The following SMIM9 variants were observed in gnomAD, a reference collection of about 807,000 sequenced individuals.
SMIM9 encodes chromosome X open reading frame 68.
Under a neutral mutation model 7.2 loss-of-function variants are expected in SMIM9, and 8 were observed. That is an observed-to-expected ratio of 1.10 (90% CI 0.65 to 1.99). SMIM9 has a LOEUF of 1.99. SMIM9 is among the 30% of genes most tolerant of loss of function. The pLI, the probability that SMIM9 is intolerant of heterozygous loss-of-function variation, is 0.00. For synonymous variants in SMIM9, 19 were observed against 26.4 expected, an observed-to-expected ratio of 0.72 and a Z score of 0.86; for missense variants, 76 against 69.3, an observed-to-expected ratio of 1.10 and a Z score of -0.34.
At chrX:154,825,771 G>C (rs1369064540) in intron 4 of SMIM9, among the ~76,000 whole-genome samples, 66 of 109,832 alleles carry the variant, frequency 6.0e-4, no homozygotes, top group African/African-American at 2.1e-3. Context: ...TCCTTTGTAG[G>C]GACATGGATG....
chrX:154,834,203 C>G (rs1180389264), intron 1 of SMIM9, among the ~76,000 whole-genome samples: 3 of 112,520 alleles, frequency 2.7e-5, no homozygotes, highest in East Asian at 2.8e-4. Flanking sequence ...AAGAGAAGAG[C>G]CCATGAAATG....
chrX:154,830,737 T>C lies in SMIM9; in HGVS notation c.120A>G (p.Thr40=). The change falls in exon 3 of 5, where the codon ACA becomes ACG. Residue 40 remains threonine (T), a synonymous_variant. Coordinates refer to ENST00000369529, the MANE Select transcript of SMIM9 (RefSeq NM_001162936.4). ...PLSALGIQEK[T]GSKPRSGGNH... is the part of the protein sequence containing the mutation. ...CACCCCCTGAGCGTGGTTTCGATCC[T>C]GTTTTTTCTTGTATTCCCAAGGCAG... 2.6e-6 allele frequency: 3 copies of C among 1,167,741 alleles called. No homozygotes were observed. Among genetic ancestry groups the C allele is most frequent in the Non-Finnish European group, 3.4e-6 (3 of 872,897 alleles).
chrX:154,834,022 CA>C (rs1698739224), intron 1 of SMIM9, among the ~76,000 whole-genome samples: 1 of 111,873 alleles, frequency 8.9e-6, no homozygotes, highest in Admixed American at 9.5e-5. Context: ...TGAACATTCC[CA>C]GGCGCTGATA....
rs1479261574 is a variant in SMIM9, at chrX:154,829,064, A to G, written c.272+471T>C. Reference sequence around the variant, plus strand: ...GCAACAAGCACAGAGACAAGCAAGTAGTCATTTGTTGGTAAATACTGACTG... The same window carrying G: ...GCAACAAGCACAGAGACAAGCAAGTGGTCATTTGTTGGTAAATACTGACTG... On this transcript the variant is annotated intron_variant, in intron 4 of 4. Transcript: ENST00000369529. 2.7e-5 allele frequency among the ~76,000 whole-genome samples: 3 copies of G among 112,427 alleles called. No individual in the cohort carries two copies. In the Admixed American group the frequency reaches 2.8e-4, roughly 11 times the overall value.
intron 4 of SMIM9, among the ~76,000 whole-genome samples, chrX:154,828,077 A>C (rs1569559152): frequency 9.0e-6 from 1 of 111,708 alleles, no homozygotes. Context: ...TTCCACAGGC[A>C]TTGATCATTA....
chrX:154,827,143 C>G (rs1386203666), intron 4 of SMIM9, among the ~76,000 whole-genome samples: 2 of 112,503 alleles, frequency 1.8e-5, no homozygotes, highest in Non-Finnish European at 3.7e-5. Context: ...ATATTGCCTG[C>G]TTTATCTTCA....
intron 3 of SMIM9, among the ~76,000 whole-genome samples, chrX:154,829,921 A>G (rs2072437492): frequency 8.9e-6 from 1 of 112,310 alleles, no homozygotes; most frequent in Non-Finnish European, 1.9e-5. Context: ...GTTGTTTCGG[A>G]TATCTTGAGT....
chrX:154,831,033 G>T, intron 2 of SMIM9, 78 bp from the exon 3 acceptor site: 1 of 460,234 alleles, frequency 2.2e-6, no homozygotes, highest in Non-Finnish European at 3.5e-6. Flanking sequence ...ACAATTGACT[G>T]ACTTACACAG....
intron 4 of SMIM9, among the ~76,000 whole-genome samples, chrX:154,824,230 G>A (rs1309113944): frequency 1.1e-4 from 12 of 108,490 alleles, no homozygotes; most frequent in Non-Finnish European, 2.3e-4. Context: ...GGTGGCGGGC[G>A]CCTGTAGTCC....
intron 4 of SMIM9, among the ~76,000 whole-genome samples, chrX:154,826,037 T>C (rs1476491017): frequency 1.8e-5 from 2 of 110,317 alleles, no homozygotes; most frequent in Non-Finnish European, 1.9e-5. Flanking sequence ...AACCTGCACG[T>C]TGTGCACATG....
intron 4 of SMIM9, among the ~76,000 whole-genome samples, chrX:154,824,154 G>A (rs1156745727): frequency 1.8e-5 from 2 of 109,902 alleles, no homozygotes; most frequent in East Asian, 2.9e-4. Flanking sequence ...TCAGGAGATC[G>A]AGACCATTCT....
At chrX:154,826,620 T>C (rs2072423156) in intron 4 of SMIM9, among the ~76,000 whole-genome samples, 1 of 112,537 alleles carries the variant, frequency 8.9e-6, no homozygotes, top group Non-Finnish European at 1.9e-5. Context: ...TAGTACATGG[T>C]TTTTATCTGC....
At chrX:154,827,395 A>G (rs1351036128) in intron 4 of SMIM9, 7 of 112,357 alleles carry the variant, frequency 6.2e-5, no homozygotes, top group Non-Finnish European at 1.1e-4. Context: ...CTCATGCCTC[A>G]TTCTGATGTA....
Position 154,830,916 on chromosome X carries a change from G to C in SMIM9, c.-60C>G. Reference sequence around the variant, plus strand: ...TAATCCTAGCTCACTCTGCCAAGGAGAGATGTCTTTGTCCGTAGGTCTTTC... The same window carrying C: ...TAATCCTAGCTCACTCTGCCAAGGACAGATGTCTTTGTCCGTAGGTCTTTC... On this transcript the variant is annotated 5_prime_UTR_variant, in exon 3 of 5. Transcript: ENST00000369529. 2 of 1,101,591 alleles carry C rather than the reference G, an allele frequency of 1.8e-6. No homozygotes were observed. Among genetic ancestry groups the C allele is most frequent in the Non-Finnish European group, 2.4e-6 (2 of 827,561 alleles). 90.8% of individuals were successfully genotyped at this position (1,101,591 alleles called of 1,213,427 possible).
chrX:154,831,701 A>G (rs2072446559), intron 2 of SMIM9, among the ~76,000 whole-genome samples: 1 of 110,541 alleles, frequency 9.0e-6, no homozygotes, highest in Admixed American at 9.5e-5. Flanking sequence ...CCTCTTGATC[A>G]TCACTCCAAC....
rs782124528 is a variant in SMIM9 at position 154,823,726 on chromosome X, A to T, written c.*29T>A. 2.0e-5 allele frequency: 23 copies of T among 1,149,248 alleles called. No individual in the cohort carries two copies. The South Asian group carries it at 4.7e-4, about 23-fold the overall frequency. 94.7% of individuals were successfully genotyped at this position (1,149,248 alleles called of 1,213,427 possible). A position where few individuals can be genotyped will look rare whatever the true frequency, so the allele number is the denominator to read the frequency against. The stretch of plus-strand genomic sequence containing the variant: ...CTTTTGGAGTCCAACTGGAGAGACC[A>T]CACTTGCCCTGTTGAATCTTCTAGT... On this transcript the variant is annotated 3_prime_UTR_variant, in exon 5 of 5. Transcript: ENST00000369529.
At chrX:154,834,203 C>T (rs1180389264) in intron 1 of SMIM9, among the ~76,000 whole-genome samples, 1 of 112,465 alleles carries the variant, frequency 8.9e-6, no homozygotes, top group Non-Finnish European at 1.9e-5. Flanking sequence ...AAGAGAAGAG[C>T]CCATGAAATG....
intron 4 of SMIM9, 104 bp downstream of exon 4, chrX:154,829,431 T>A: frequency 1.0e-6 from 1 of 966,132 alleles, no homozygotes; most frequent in Middle Eastern, 4.1e-4. Flanking sequence ...CTTAAAACTT[T>A]CCCTTAATTA....
rs781879093 is a variant in SMIM9 at position 154,834,226 on chromosome X, C to T, written c.-210+337G>A. ...AGCCCATGAAATGGACTAAAACCTG[C>T]ATCAGTCTCATGTTATCTCCAAGCT... On this transcript the variant is annotated intron_variant, in intron 1 of 4. Transcript: ENST00000369529. 3.0e-4 allele frequency among the ~76,000 whole-genome samples: 34 copies of T among 112,590 alleles called. 1 individual carries two copies. In the South Asian group the frequency reaches 0.011, roughly 37 times the overall value.
Sources: gnomAD v4.1 joint callset for allele counts (sites outside exome capture counted in the v4.1 genomes callset) on GRCh38, gnomAD v4.1.1 for gene constraint, MANE v1.5 for transcripts, NCBI Gene and HGNC (gene_info 2026-07-23, HGNC 2026-07-21) for gene names.